The following NEMP2 variants were observed in gnomAD, a reference collection of about 807,000 sequenced individuals.
NEMP2 encodes the protein UPF0571 transmembrane protein.
In NEMP2, 53 loss-of-function variants were observed where a neutral mutation model predicts 54.2. The ratio of observed to expected loss-of-function variants is 0.98; its 90% CI spans 0.78 to 1.23. The LOEUF (loss-of-function observed/expected upper bound fraction) is 1.23. Among genes scored for constraint, NEMP2 ranks in the 50% most tolerant of loss-of-function variants. The pLI is 0.00. For synonymous variants in NEMP2, 197 were observed against 190.3 expected (o/e 1.04, Z -0.29); for missense variants, 455 against 511.3 (o/e 0.89, Z 1.06).
At chr2:190,591,811 G>A in the NEMP2 span, among the ~76,000 whole-genome samples, 5 of 152,178 alleles carry the variant, frequency 3.3e-5, no homozygotes, top group Admixed American at 3.3e-4. This position sits in a 1 kb window ranked among gnomAD's most constrained non-coding sequence, Gnocchi z 5.4. Flanking sequence ...TAGGGAATCT[G>A]TGGATGATTC....
At chr2:190,534,863 G>C (rs1422923963), upstream of NEMP2, 17 of 388,054 alleles carry the variant, frequency 4.4e-5, no homozygotes, top group East Asian at 4.9e-4. Context: ...GGCGGGCCCA[G>C]GCCGGAGGAG....
At chr2:190,543,363 C>A in the NEMP2 span, among the ~76,000 whole-genome samples, 1 of 152,078 alleles carries the variant, frequency 6.6e-6, no homozygotes, top group Non-Finnish European at 1.5e-5. This position sits in a 1 kb window ranked among gnomAD's most constrained non-coding sequence, Gnocchi z 4.7. Context: ...TCTTTTTGCC[C>A]CTGTCTCTGG....
Position 190,520,629 on chromosome 2 carries a change from T to A in NEMP2, c.214-1446A>T, listed in dbSNP as rs935154984. On this transcript the variant is annotated intron_variant, in intron 2 of 8. Coordinates refer to ENST00000409150, the MANE Select transcript of NEMP2 (RefSeq NM_001142645.2). The surrounding 1 kb of genome is among the most constrained non-coding windows in gnomAD (Gnocchi z 5.4). ...TTCTTAGGTATTTCAGTATGTACAA[T>A]ATACACACCAATCCTTCCAGTATCC... Among the ~76,000 whole-genome samples, 1 of 152,206 alleles carries A rather than the reference T, an allele frequency of 6.6e-6. No homozygotes were observed. The highest frequency in any genetic ancestry group is 2.1e-4 in the South Asian group (1 of 4,832).
chr2:190,437,534 A>T, the NEMP2 span: 1 of 1,613,922 alleles, frequency 6.2e-7, no homozygotes, highest in South Asian at 1.1e-5. The surrounding 1 kb of genome is among the most constrained non-coding windows in gnomAD (Gnocchi z 5.9). Flanking sequence ...TTTAGTCACA[A>T]GCTTATTGAA....
At chr2:190,621,699 A>G in the NEMP2 span, among the ~76,000 whole-genome samples, 14 of 152,250 alleles carry the variant, frequency 9.2e-5, no homozygotes, top group Non-Finnish European at 1.8e-4. Flanking sequence ...TATAGACATA[A>G]ATATCAATGG....
chr2:190,639,135 C>G, the NEMP2 span, among the ~76,000 whole-genome samples: 1 of 152,288 alleles, frequency 6.6e-6, no homozygotes, highest in African/African-American at 2.4e-5. Context: ...CAAGCCAGCT[C>G]TATATCTATA....
the NEMP2 span, among the ~76,000 whole-genome samples, chr2:190,630,852 C>A: frequency 1.3e-5 from 2 of 152,126 alleles, no homozygotes; most frequent in African/African-American, 4.8e-5. This position sits in a 1 kb window ranked among gnomAD's most constrained non-coding sequence, Gnocchi z 5.5. Context: ...CAGTTTAAAT[C>A]TCAGTGTTGT....
the NEMP2 span, among the ~76,000 whole-genome samples, chr2:190,575,672 T>G: frequency 6.6e-6 from 1 of 152,142 alleles, no homozygotes; most frequent in Admixed American, 6.5e-5. Context: ...CCGGCCAACA[T>G]GGCGAAGCCT....
chr2:190,496,882 T>C, the NEMP2 span, among the ~76,000 whole-genome samples: 1 of 152,136 alleles, frequency 6.6e-6, no homozygotes, highest in South Asian at 2.1e-4. The surrounding 1 kb of genome is among the most constrained non-coding windows in gnomAD (Gnocchi z 4.7). Context: ...GGCATAAGAA[T>C]GATATGATGG....
chr2:190,550,712 C>T, the NEMP2 span, among the ~76,000 whole-genome samples: 1 of 152,170 alleles, frequency 6.6e-6, no homozygotes, highest in African/African-American at 2.4e-5. The surrounding 1 kb of genome is among the most constrained non-coding windows in gnomAD (Gnocchi z 4.7). Context: ...TATGCTCTCT[C>T]TTAACTCACA....
chr2:190,447,516 A>C, the NEMP2 span, among the ~76,000 whole-genome samples: 1 of 152,232 alleles, frequency 6.6e-6, no homozygotes, highest in African/African-American at 2.4e-5. The surrounding 1 kb of genome is among the most constrained non-coding windows in gnomAD (Gnocchi z 4.5). Context: ...ACATATGAAA[A>C]AATGACCTAC....
At chr2:190,476,011 A>G in the NEMP2 span, among the ~76,000 whole-genome samples, 12 of 152,274 alleles carry the variant, frequency 7.9e-5, 1 homozygote, top group South Asian at 2.3e-3. Context: ...CTAGCCATAT[A>G]TAGAAAGCTG....
the NEMP2 span, among the ~76,000 whole-genome samples, chr2:190,624,246 G>A: frequency 6.6e-6 from 1 of 152,200 alleles, no homozygotes; most frequent in Non-Finnish European, 1.5e-5. Flanking sequence ...AAACCACAAT[G>A]AGATATCATC....
At chr2:190,476,164 T>C in the NEMP2 span, among the ~76,000 whole-genome samples, 5 of 152,130 alleles carry the variant, frequency 3.3e-5, no homozygotes, top group African/African-American at 7.2e-5. Context: ...AAGGACTTCA[T>C]GTCTAAAACA....
the NEMP2 span, among the ~76,000 whole-genome samples, chr2:190,426,156 T>G: frequency 1.3e-5 from 2 of 152,210 alleles, no homozygotes; most frequent in Non-Finnish European, 2.9e-5. This position sits in a 1 kb window ranked among gnomAD's most constrained non-coding sequence, Gnocchi z 4.7. Context: ...CTCCCTTTTT[T>G]TCTCCTCACC....
At chr2:190,439,214 A>G in the NEMP2 span, among the ~76,000 whole-genome samples, 31 of 152,110 alleles carry the variant, frequency 2.0e-4, no homozygotes, top group African/African-American at 7.0e-4. The surrounding 1 kb of genome is among the most constrained non-coding windows in gnomAD (Gnocchi z 5.8). Context: ...CTTTAAAATC[A>G]CTGTTATTCA....
At chr2:190,479,893 G>A in the NEMP2 span, among the ~76,000 whole-genome samples, 1 of 152,168 alleles carries the variant, frequency 6.6e-6, no homozygotes, top group Non-Finnish European at 1.5e-5. Flanking sequence ...GGGGACTTGA[G>A]CTGACATTTA....
Position 190,534,540 on chromosome 2 carries a change from G to A in NEMP2, c.97+19C>T. 2.2e-6 allele frequency: 3 copies of A among 1,388,204 alleles called. No individual in the cohort carries two copies. Among genetic ancestry groups the A allele is most frequent in the South Asian group, 1.6e-5 (1 of 62,518 alleles). 86.0% of individuals were successfully genotyped at this position (1,388,204 alleles called of 1,614,324 possible). ...AGCGAGCACGCACGCGCGCGCCGCCGCCGCCGGTCCCGGGTTACCTGATAA... is the reference window on the plus strand; with the variant it reads ...AGCGAGCACGCACGCGCGCGCCGCCACCGCCGGTCCCGGGTTACCTGATAA... On this transcript the variant is annotated intron_variant, in intron 1 of 8. Transcript: ENST00000409150.
the NEMP2 span, among the ~76,000 whole-genome samples, chr2:190,646,520 G>C: frequency 3.9e-5 from 6 of 152,140 alleles, no homozygotes. Flanking sequence ...ATACAGAATT[G>C]GATGCTTAAA....
Sources: gnomAD v4.1 joint callset for allele counts (sites outside exome capture counted in the v4.1 genomes callset) on GRCh38, gnomAD v4.1.1 for gene constraint, Gnocchi (gnomAD v3.1) non-coding constraint, MANE v1.5 for transcripts, NCBI Gene and HGNC (gene_info 2026-07-23, HGNC 2026-07-21) for gene names.